The following ARHGEF10L variants were observed in gnomAD, a reference collection of about 807,000 sequenced individuals.
ARHGEF10L encodes the protein Rho guanine nucleotide exchange factor 10 like.
A neutral mutation model predicts 141.2 loss-of-function variants in ARHGEF10L; 69 were observed. The observed-to-expected ratio is 0.49, with a 90% CI of 0.40 to 0.60. ARHGEF10L has a LOEUF of 0.60. ARHGEF10L is among the 20% of genes least tolerant of loss of function. The pLI, the probability that ARHGEF10L is intolerant of heterozygous loss-of-function variation, is 0.00. For synonymous variants in ARHGEF10L, 711 were observed against 718.5 expected (o/e 0.99, Z 0.17); for missense variants, 1,482 against 1,734.3 (o/e 0.85, Z 2.58).
chr1:17,648,579 A>C lies in ARHGEF10L; in HGVS notation c.2298A>C (p.Leu766=), dbSNP rs1450424205. ...GGGAGGAGAACCAGCCAGGCTGGCT[A>C]TGCCCGGATGAGGACAAGAAGAGCA... The part of the protein sequence containing the change: ...GLREENQPGW[L]CPDEDKKSKA... Residue 766 remains leucine, a synonymous_variant, in exon 22 of 29, where the codon CTA becomes CTC. Coordinates refer to ENST00000361221, the MANE Select transcript of ARHGEF10L (RefSeq NM_018125.4). 1 of 1,613,652 alleles carries C rather than the reference A, an allele frequency of 6.2e-7. No homozygotes were observed. Among genetic ancestry groups the C allele is most frequent in the Non-Finnish European group, 8.5e-7 (1 of 1,180,006 alleles).
chr1:17,517,079 G>A, the ARHGEF10L span, among the ~76,000 whole-genome samples: 53 of 152,284 alleles, frequency 3.5e-4, no homozygotes, highest in South Asian at 8.3e-4. Flanking sequence ...CAGTCAACCA[G>A]GCATGTGTTT....
At chr1:17,589,935 C>A (rs542909483) in intron 4 of ARHGEF10L, among the ~76,000 whole-genome samples, 1 of 151,890 alleles carries the variant, frequency 6.6e-6, no homozygotes, top group Non-Finnish European at 1.5e-5. Context: ...CCTGGCTCAG[C>A]GAGTGAATGG....
At chr1:17,687,467 T>C in intron 26 of ARHGEF10L, 106 bp from the exon 27 acceptor site, 1 of 1,289,438 alleles carries the variant, frequency 7.8e-7, no homozygotes, top group Non-Finnish European at 1.1e-6. Flanking sequence ...CTGAGTAGCT[T>C]GAGCTTTTGA....
At position 17,603,540 on chromosome 1, in the gene ARHGEF10L, G is replaced by A; in HGVS notation, c.382G>A (p.Asp128Asn). 6.2e-7 allele frequency: 1 copy of A among 1,613,782 alleles called. No individual in the cohort carries two copies. Among genetic ancestry groups the A allele is most frequent in the Non-Finnish European group, 8.5e-7 (1 of 1,179,848 alleles). The change falls in exon 6 of 29, where the codon GAT becomes AAT. Residue 128 changes from aspartate to asparagine, a missense_variant. Physicochemically the swap from Asp to Asn is conservative, Grantham distance 23 (BLOSUM62 1). Around this residue, in one of 3 missense-constraint regions of ARHGEF10L, gnomAD observed 232 missense variants for 225.9 expected, o/e 1.03. Coordinates refer to ENST00000361221, the MANE Select transcript of ARHGEF10L (RefSeq NM_018125.4). The surrounding 1 kb of genome is among the most constrained non-coding windows in gnomAD (Gnocchi z 4.8). ...DRFTFPALEE[D>N]VIYDDVPCES... Reference sequence around the variant, plus strand: ...GTTCACTTTCCCCGCCCTGGAAGAGGATGTGATTTATGACGACGTCCCCTG... The same window carrying A: ...GTTCACTTTCCCCGCCCTGGAAGAGAATGTGATTTATGACGACGTCCCCTG...
Position 17,632,115 on chromosome 1 carries a change from C to T in ARHGEF10L, c.1585-206C>T, listed in dbSNP as rs1055339158. On this transcript the variant is annotated intron_variant, in intron 15 of 28. Transcript: ENST00000361221. ...TGGTGAATGCTCAGTCTCCCCATGG[C>T]CTCCGAGAGGAGGCCCCGATGTGTG... 3.3e-5 allele frequency among the ~76,000 whole-genome samples: 5 copies of T among 152,194 alleles called. No homozygotes were observed. The South Asian group carries it at 6.2e-4, about 19-fold the overall frequency.
At chr1:17,660,151 G>A (rs539967609) in intron 25 of ARHGEF10L, among the ~76,000 whole-genome samples, 18 of 152,344 alleles carry the variant, frequency 1.2e-4, no homozygotes, top group Admixed American at 3.9e-4. Flanking sequence ...CCTTGCTGGC[G>A]TGCTACCTGG....
intron 4 of ARHGEF10L, among the ~76,000 whole-genome samples, chr1:17,591,784 G>A (rs1466036037): frequency 6.6e-6 from 1 of 152,154 alleles, no homozygotes; most frequent in Non-Finnish European, 1.5e-5. Context: ...CTTGGCTCAA[G>A]CAATCCTCCT....
chr1:17,657,247 C>A (rs945219173), intron 25 of ARHGEF10L, among the ~76,000 whole-genome samples: 9 of 152,168 alleles, frequency 5.9e-5, no homozygotes, highest in African/African-American at 2.2e-4. Flanking sequence ...CAGGGCTAAC[C>A]GTGTTTGGAC....
In ARHGEF10L at chr1:17,697,708, T is replaced by G; in HGVS notation, c.*328T>G. The G allele has an allele frequency of 1.9e-6, 1 of 523,284 alleles. No homozygotes were observed. The highest frequency in any genetic ancestry group is 3.7e-6 in the Non-Finnish European group (1 of 271,278). The allele number at this position is 523,284 out of a possible 1,614,324, so 32.4% of individuals were successfully genotyped here. A position where few individuals can be genotyped will look rare whatever the true frequency, so the allele number is the denominator to read the frequency against. On this transcript the variant is annotated 3_prime_UTR_variant, in exon 29 of 29. Transcript: ENST00000361221. The surrounding 1 kb of genome is among the most constrained non-coding windows in gnomAD (Gnocchi z 4.8). ...GGACTCCAAGGCAGCCACACGCCCC[T>G]CCTGGAAGGGTGTGTGCGTGTGAGT...
At chr1:17,642,011 A>AG (rs1491391108) in intron 21 of ARHGEF10L, among the ~76,000 whole-genome samples, 1 of 152,026 alleles carries the variant, frequency 6.6e-6, no homozygotes, top group Non-Finnish European at 1.5e-5. Context: ...GAAAAAAAAA[A>AG]GAAGTTAGGA....
intron 26 of ARHGEF10L, among the ~76,000 whole-genome samples, chr1:17,681,570 A>G (rs2064129953): frequency 6.6e-6 from 1 of 152,180 alleles, no homozygotes; most frequent in South Asian, 2.1e-4. Context: ...ACAGTCTGGA[A>G]TTGCCTGGTT....
chr1:17,677,772 G>C (rs1257866991), intron 26 of ARHGEF10L, among the ~76,000 whole-genome samples: 2 of 152,264 alleles, frequency 1.3e-5, no homozygotes, highest in Non-Finnish European at 2.9e-5. Flanking sequence ...AACCAAGGCA[G>C]GAAGTGGTGG....
intron 1 of ARHGEF10L, among the ~76,000 whole-genome samples, chr1:17,571,811 G>A (rs186930253): frequency 1.1e-3 from 168 of 152,284 alleles, no homozygotes; most frequent in Non-Finnish European, 1.8e-3. Context: ...TGGGATTATA[G>A]GCATGAACCA....
Position 17,632,361 on chromosome 1 carries a change from C to T in ARHGEF10L, c.1625C>T (p.Thr542Met), listed in dbSNP as rs373697074. The T allele has an allele frequency of 2.8e-5, 45 of 1,614,060 alleles. No individual in the cohort carries two copies. Among genetic ancestry groups the T allele is most frequent in the Non-Finnish European group, 3.7e-5 (44 of 1,180,046 alleles). Residue 542 changes from threonine to methionine, a missense_variant, in exon 16 of 29, where the codon ACG becomes ATG. Transcript: ENST00000361221. ...SGQRQLLLCETLTETVYGDRG... is the reference protein window; with the variant it reads ...SGQRQLLLCEMLTETVYGDRG... ...CAGCGGCAGCTGCTCCTGTGTGAGA[C>T]GTTGACGGAGACCGTGTACGGTGAC... is the stretch of plus-strand genomic sequence containing the variant.
At chr1:17,588,878 G>GTGTGTGTGTC (rs1553181472) in intron 4 of ARHGEF10L, among the ~76,000 whole-genome samples, 11 of 82,344 alleles carry the variant, frequency 1.3e-4, no homozygotes, top group South Asian at 9.9e-4. Flanking sequence ...GTGTGTGTGT[G>GTGTGTGTGTC]TGTGTGTGTG....
intron 26 of ARHGEF10L, among the ~76,000 whole-genome samples, chr1:17,676,165 C>CGTGGGTGCAGGT (rs2063696976): frequency 1.2e-5 from 1 of 81,412 alleles, no homozygotes. Context: ...TAGGTGCAGG[C>CGTGGGTGCAGGT]GTGGGTGCAG....
At chr1:17,538,071 A>C (rs1383950616), upstream of ARHGEF10L, among the ~76,000 whole-genome samples, 2 of 151,716 alleles carry the variant, frequency 1.3e-5, no homozygotes, top group Admixed American at 6.6e-5. Context: ...CTCTTAAAAA[A>C]AAACAAAGAA....
At position 17,579,848 on chromosome 1, in the gene ARHGEF10L, G is replaced by A. The variant is rs937872420; in HGVS notation, c.-43-705G>A. ...GGCTCCAGGGCCCAGGAAGCCCACC[G>A]GAGGCATCAGCCTTTTGCTTATGTG... On this transcript the variant is annotated intron_variant, in intron 1 of 28. Coordinates refer to ENST00000361221, the MANE Select transcript of ARHGEF10L (RefSeq NM_018125.4). Among the ~76,000 whole-genome samples, 8 of 152,336 alleles carry A rather than the reference G, an allele frequency of 5.3e-5. No homozygotes were observed. The East Asian group carries it at 7.7e-4, about 15-fold the overall frequency.
chr1:17,613,180 G>A lies in ARHGEF10L; in HGVS notation c.726+6G>A, dbSNP rs780455185. ...AGCACAAGTACGATTGTAAGGTATT[G>A]TCTGTCTGTCCCCTCAAGCCCTGGA... On this transcript the variant is annotated splice_donor_region_variant and intron_variant, in intron 8 of 28. Coordinates refer to ENST00000361221, the MANE Select transcript of ARHGEF10L (RefSeq NM_018125.4). 6 of 1,608,582 alleles carry A rather than the reference G, an allele frequency of 3.7e-6. No individual in the cohort carries two copies. The highest frequency in any genetic ancestry group is 4.3e-6 in the Non-Finnish European group (5 of 1,175,514).
Sources: gnomAD v4.1 joint callset for allele counts (sites outside exome capture counted in the v4.1 genomes callset) on GRCh38, gnomAD v4.1.1 for gene constraint, gnomAD v4.1.1 regional missense constraint, Gnocchi (gnomAD v3.1) non-coding constraint, MANE v1.5 for transcripts, NCBI Gene and HGNC (gene_info 2026-07-23, HGNC 2026-07-21) for gene names.